The following PTPRT variants were observed in gnomAD, a reference collection of about 807,000 sequenced individuals.
PTPRT encodes the protein protein tyrosine phosphatase receptor type T.
PTPRT carries 56 observed loss-of-function variants against 176.8 expected under a neutral mutation model. That is an observed-to-expected ratio of 0.32 (90% CI 0.26 to 0.40). The LOEUF (loss-of-function observed/expected upper bound fraction) is 0.40, where lower values mean the gene tolerates loss of function less well. Among genes scored for constraint, PTPRT ranks in the 10% least tolerant of loss-of-function variants. The pLI is 1.00. For missense variants in PTPRT, 1,540 were observed against 1,908.2 expected (o/e 0.81, Z 3.60); for synonymous variants, 783 against 739.0 (o/e 1.06, Z -0.96).
chr20:42,214,969 T>C (rs2055734021), intron 15 of PTPRT, among the ~76,000 whole-genome samples: 1 of 152,274 alleles, frequency 6.6e-6, no homozygotes, highest in Admixed American at 6.5e-5. Context: ...CAAATAGGGA[T>C]AATTATAATG....
Position 43,137,606 on chromosome 20 carries a change from C to G in PTPRT, c.88+52040G>C, listed in dbSNP as rs550243640. Reference sequence around the variant, plus strand: ...TCTGGCTGTTCTCCTCACAGGAGGCCGGCTCCACAGGGGAATGGGAAGATC... The same window carrying G: ...TCTGGCTGTTCTCCTCACAGGAGGCGGGCTCCACAGGGGAATGGGAAGATC... On this transcript the variant is annotated intron_variant, in intron 1 of 30. Coordinates refer to ENST00000373187, the MANE Select transcript of PTPRT (RefSeq NM_007050.6). 2.6e-5 allele frequency among the ~76,000 whole-genome samples: 4 copies of G among 152,272 alleles called. No homozygotes were observed. The South Asian group carries it at 8.3e-4, about 32-fold the overall frequency.
chr20:42,464,120 T>C (rs114644187), intron 8 of PTPRT, among the ~76,000 whole-genome samples: 2 of 152,312 alleles, frequency 1.3e-5, no homozygotes, highest in African/African-American at 4.8e-5. Context: ...AAGTCTGAGT[T>C]AGCTTTGAAT....
chr20:42,752,864 C>T (rs867593601), intron 6 of PTPRT, among the ~76,000 whole-genome samples: 1 of 152,266 alleles, frequency 6.6e-6, no homozygotes, highest in Middle Eastern at 3.4e-3. Flanking sequence ...GGTCCCTGGG[C>T]ACCCACTCCA....
chr20:42,356,347 T>C lies in PTPRT; in HGVS notation c.1561-4062A>G, dbSNP rs578008456. 6.6e-5 allele frequency among the ~76,000 whole-genome samples: 10 copies of C among 152,256 alleles called. No individual in the cohort carries two copies. The South Asian group carries it at 2.1e-3, about 32-fold the overall frequency. On this transcript the variant is annotated intron_variant, in intron 9 of 30. Transcript: ENST00000373187. ...AGTACTCAAGGATGTCCCCCTTCTC[T>C]TTTAGTTGCTGACAGTAGGATCCAC...
intron 6 of PTPRT, among the ~76,000 whole-genome samples, chr20:42,729,919 A>G (rs575537761): frequency 6.6e-6 from 1 of 152,200 alleles, no homozygotes; most frequent in Non-Finnish European, 1.5e-5. Context: ...AATTGACCAC[A>G]GCTTCCAATG....
chr20:42,181,850 T>C (rs527505063), intron 16 of PTPRT, among the ~76,000 whole-genome samples: 2 of 152,052 alleles, frequency 1.3e-5, no homozygotes, highest in Admixed American at 1.3e-4. Flanking sequence ...AACATTTGCA[T>C]ACAAGAAATT....
At chr20:42,571,327 T>C (rs962653078) in intron 7 of PTPRT, among the ~76,000 whole-genome samples, 1 of 152,190 alleles carries the variant, frequency 6.6e-6, no homozygotes, top group Non-Finnish European at 1.5e-5. Flanking sequence ...GAGTTGAAGA[T>C]GCTGCATTGC....
intron 1 of PTPRT, among the ~76,000 whole-genome samples, chr20:43,134,447 AG>A (rs2013758854): frequency 6.6e-6 from 1 of 152,220 alleles, no homozygotes; most frequent in Admixed American, 6.5e-5. Context: ...GCGTGTCTTC[AG>A]GAAGAGTCCT....
chr20:42,916,053 T>G (rs1428585556), intron 1 of PTPRT, among the ~76,000 whole-genome samples: 2 of 152,078 alleles, frequency 1.3e-5, no homozygotes, highest in Non-Finnish European at 2.9e-5. Context: ...CATGTTGGTG[T>G]GCTGTACCCA....
At chr20:43,082,301 T>TTTC (rs2011465957) in intron 1 of PTPRT, among the ~76,000 whole-genome samples, 1 of 152,034 alleles carries the variant, frequency 6.6e-6, no homozygotes, top group Non-Finnish European at 1.5e-5. Context: ...ACTATGCTTT[T>TTTC]TTTATTTTCT....
intron 7 of PTPRT, among the ~76,000 whole-genome samples, chr20:42,664,148 C>G (rs1172264462): frequency 2.0e-5 from 3 of 152,196 alleles, no homozygotes; most frequent in African/African-American, 7.2e-5. Flanking sequence ...ATCTGTAACA[C>G]TGGACATTTT....
chr20:42,539,974 G>C (rs1292183663), intron 7 of PTPRT, among the ~76,000 whole-genome samples: 1 of 152,010 alleles, frequency 6.6e-6, no homozygotes, highest in African/African-American at 2.4e-5. Context: ...AAAATGAAGG[G>C]AGAGAATAAC....
rs1982464320 is a variant in PTPRT at position 42,073,263 on chromosome 20, T to G, written c.*7616A>C. On this transcript the variant is annotated 3_prime_UTR_variant, in exon 31 of 31. Coordinates refer to ENST00000373187, the MANE Select transcript of PTPRT (RefSeq NM_007050.6). ...GGTAGAGGCCACAACTCTTTGTCTT[T>G]GATTGGCTAGTAGAATGTAGGGTGA... 5.3e-6 allele frequency: 1 copy of G among 189,526 alleles called. No homozygotes were observed. The highest frequency in any genetic ancestry group is 6.2e-5 in the Admixed American group (1 of 16,234). The allele number at this position is 189,526 out of a possible 1,614,324, so 11.7% of individuals were successfully genotyped here.
chr20:42,410,824 T>C (rs1433696492), intron 9 of PTPRT, among the ~76,000 whole-genome samples: 1 of 152,234 alleles, frequency 6.6e-6, no homozygotes, highest in African/African-American at 2.4e-5. Flanking sequence ...TCTTAATCCA[T>C]GGATCAAAGA....
intron 8 of PTPRT, among the ~76,000 whole-genome samples, chr20:42,465,963 C>G (rs553524512): frequency 1.7e-3 from 252 of 152,198 alleles, no homozygotes; most frequent in Non-Finnish European, 3.1e-3. Context: ...GTGTGCTGTT[C>G]CCCTCCCTGT....
the PTPRT span, among the ~76,000 whole-genome samples, chr20:42,032,153 AAAAGAG>A: frequency 6.6e-6 from 1 of 152,104 alleles, no homozygotes; most frequent in Non-Finnish European, 1.5e-5. Flanking sequence ...TAGGCCTGGA[AAAAGAG>A]AGAGAGAGAG....
At chr20:42,940,934 T>C (rs1980502958) in intron 1 of PTPRT, among the ~76,000 whole-genome samples, 1 of 151,520 alleles carries the variant, frequency 6.6e-6, no homozygotes, top group South Asian at 2.1e-4. Context: ...ACAAAAAAAT[T>C]AGCAGGATAT....
At chr20:42,239,567 T>C (rs1427686025) in intron 14 of PTPRT, among the ~76,000 whole-genome samples, 2 of 151,656 alleles carry the variant, frequency 1.3e-5, no homozygotes, top group Non-Finnish European at 2.9e-5. Flanking sequence ...GGACTACAGG[T>C]GCCCACCACC....
At chr20:42,459,230 T>G (rs916180393) in intron 8 of PTPRT, among the ~76,000 whole-genome samples, 2 of 152,166 alleles carry the variant, frequency 1.3e-5, no homozygotes, top group Non-Finnish European at 2.9e-5. Flanking sequence ...AAGAGAATGA[T>G]AACTGAATTT....
Sources: gnomAD v4.1 joint callset for allele counts (sites outside exome capture counted in the v4.1 genomes callset) on GRCh38, gnomAD v4.1.1 for gene constraint, MANE v1.5 for transcripts, NCBI Gene and HGNC (gene_info 2026-07-23, HGNC 2026-07-21) for gene names.